Variants in CCDC91 observed in about 807,000 individuals in gnomAD.
The protein encoded by CCDC91 is coiled-coil domain-containing protein 91.
A neutral mutation model predicts 63.2 loss-of-function variants in CCDC91; 48 were observed. That is an observed-to-expected ratio of 0.76 (90% CI 0.60 to 0.97). CCDC91 has a LOEUF of 0.97. Ranked by LOEUF, CCDC91 falls within the 50% of genes least tolerant of loss-of-function variation. CCDC91 has a pLI of 0.00. For missense variants in CCDC91, 500 were observed against 494.6 expected (o/e 1.01, Z -0.10); for synonymous variants, 167 against 165.8 (o/e 1.01, Z -0.06).
At chr12:28,321,028 T>C (rs1940442657) in intron 6 of CCDC91, among the ~76,000 whole-genome samples, 1 of 151,888 alleles carries the variant, frequency 6.6e-6, no homozygotes, top group Non-Finnish European at 1.5e-5. Flanking sequence ...AAGGAATAGG[T>C]AAGAAATCTA....
chr12:28,517,785 C>T (rs188564050), intron 12 of CCDC91, among the ~76,000 whole-genome samples: 21 of 151,842 alleles, frequency 1.4e-4, no homozygotes, highest in Admixed American at 6.6e-4. Flanking sequence ...TCCTCACCTC[C>T]TTCCCACCCT....
chr12:28,257,888 C>T (rs1224440751), intron 2 of CCDC91, among the ~76,000 whole-genome samples: 32 of 150,562 alleles, frequency 2.1e-4, no homozygotes, highest in Non-Finnish European at 4.1e-4. Context: ...AGTCAGGAGG[C>T]CTGAGCTCAA....
At chr12:28,537,225 G>A (rs1474397545) in intron 12 of CCDC91, among the ~76,000 whole-genome samples, 1 of 151,778 alleles carries the variant, frequency 6.6e-6, no homozygotes, top group Non-Finnish European at 1.5e-5. Context: ...AGAGAAAGGG[G>A]GAAAAAAAGG....
intron 8 of CCDC91, among the ~76,000 whole-genome samples, chr12:28,424,303 A>G (rs903213033): frequency 6.6e-6 from 1 of 152,118 alleles, no homozygotes; most frequent in Non-Finnish European, 1.5e-5. Context: ...AATCCATTGT[A>G]TGAATCCACC....
chr12:28,217,365 A>T (rs774472341), intron 1 of CCDC91, among the ~76,000 whole-genome samples: 9 of 152,146 alleles, frequency 5.9e-5, no homozygotes, highest in Non-Finnish European at 1.3e-4. Context: ...TTTGAGTTAT[A>T]CGTAGCTTGT....
intron 8 of CCDC91, among the ~76,000 whole-genome samples, chr12:28,403,108 TC>T (rs1166888741): frequency 1.3e-5 from 2 of 152,206 alleles, no homozygotes; most frequent in Non-Finnish European, 2.9e-5. Context: ...AGTTTTCTTT[TC>T]CTGTGATGTA....
chr12:28,446,372 T>C (rs1949501746), intron 8 of CCDC91, among the ~76,000 whole-genome samples: 1 of 152,066 alleles, frequency 6.6e-6, no homozygotes, highest in Non-Finnish European at 1.5e-5. Context: ...GAACATAAAA[T>C]TGTTACCAAA....
At chr12:28,387,834 G>T (rs1318920255) in intron 7 of CCDC91, among the ~76,000 whole-genome samples, 2 of 152,164 alleles carry the variant, frequency 1.3e-5, no homozygotes, top group Non-Finnish European at 2.9e-5. Flanking sequence ...ATTGTGAATT[G>T]TTCCGCTATA....
At chr12:28,209,803 C>A (rs1270894733) in intron 1 of CCDC91, among the ~76,000 whole-genome samples, 1 of 148,032 alleles carries the variant, frequency 6.8e-6, no homozygotes, top group Non-Finnish European at 1.5e-5. Context: ...ATCCTTTAAC[C>A]CTTTAAACTT....
At chr12:28,488,509 A>G (rs1467157409) in intron 12 of CCDC91, among the ~76,000 whole-genome samples, 5 of 151,872 alleles carry the variant, frequency 3.3e-5, no homozygotes, top group Non-Finnish European at 5.9e-5. Flanking sequence ...CCTTTTTATA[A>G]GAATTCTACC....
chr12:28,493,640 C>T (rs942604787), intron 12 of CCDC91, among the ~76,000 whole-genome samples: 1 of 151,702 alleles, frequency 6.6e-6, no homozygotes, highest in Non-Finnish European at 1.5e-5. Flanking sequence ...TGTCTAACAT[C>T]AATATATTCC....
chr12:28,444,198 G>A (rs756130284), intron 8 of CCDC91, among the ~76,000 whole-genome samples: 14 of 152,136 alleles, frequency 9.2e-5, no homozygotes, highest in African/African-American at 2.4e-5. Flanking sequence ...TATATGTTAT[G>A]AAACCTATTG....
intron 7 of CCDC91, among the ~76,000 whole-genome samples, chr12:28,365,900 T>C (rs1220311809): frequency 6.6e-6 from 1 of 152,216 alleles, no homozygotes. Flanking sequence ...CCTGGGGATC[T>C]TACGTCTTTC....
intron 6 of CCDC91, among the ~76,000 whole-genome samples, chr12:28,349,085 A>G (rs900271494): frequency 1.3e-5 from 2 of 151,838 alleles, no homozygotes; most frequent in African/African-American, 4.8e-5. Flanking sequence ...CAAGAGCTTT[A>G]TTTTTTGTTG....
chr12:28,493,610 A>G (rs183655810), intron 12 of CCDC91, among the ~76,000 whole-genome samples: 53 of 151,918 alleles, frequency 3.5e-4, no homozygotes, highest in Non-Finnish European at 7.2e-4. Context: ...AGAAAACTTA[A>G]TAAACATACA....
intron 3 of CCDC91, among the ~76,000 whole-genome samples, chr12:28,265,510 TG>T (rs1226774658): frequency 2.6e-5 from 4 of 152,076 alleles, no homozygotes; most frequent in Non-Finnish European, 5.9e-5. Context: ...GAGAGAAACC[TG>T]GAAGACAGAT....
At position 28,352,092 on chromosome 12, in the gene CCDC91, G is replaced by A. The variant is rs79439759; in HGVS notation, c.577-10346G>A. 3.6e-3 allele frequency among the ~76,000 whole-genome samples: 543 copies of A among 152,288 alleles called. 7 individuals carry two copies. Among genetic ancestry groups the A allele is most frequent in the African/African-American group, 0.012 (509 of 41,566 alleles). On this transcript the variant is annotated intron_variant, in intron 6 of 12. Transcript: ENST00000536442. Reference sequence around the variant, plus strand: ...AAAGTTACATTTATACTATACCGTAGATTATTGTATGTAATACCATTCATG... The same window carrying A: ...AAAGTTACATTTATACTATACCGTAAATTATTGTATGTAATACCATTCATG...
intron 8 of CCDC91, among the ~76,000 whole-genome samples, chr12:28,418,631 C>A (rs1254067199): frequency 2.6e-5 from 4 of 152,060 alleles, no homozygotes; most frequent in East Asian, 3.9e-4. Context: ...ATGTTAATGG[C>A]AGATTAATAC....
At chr12:28,424,949 C>T (rs1948224473) in intron 8 of CCDC91, among the ~76,000 whole-genome samples, 1 of 152,180 alleles carries the variant, frequency 6.6e-6, no homozygotes, top group East Asian at 1.9e-4. Flanking sequence ...TGATGTGAGG[C>T]AAAGATCCAA....
Sources: gnomAD v4.1 joint callset for allele counts (sites outside exome capture counted in the v4.1 genomes callset) on GRCh38, gnomAD v4.1.1 for gene constraint, MANE v1.5 for transcripts, NCBI Gene and HGNC (gene_info 2026-07-23, HGNC 2026-07-21) for gene names.